LRRC4C: variants seen among roughly 807,000 people sequenced by gnomAD.
The protein encoded by LRRC4C is leucine-rich repeat-containing protein 4C.
In LRRC4C, 5 loss-of-function variants were observed where a neutral mutation model predicts 33.6. That is an observed-to-expected ratio of 0.15 (90% CI 0.08 to 0.31). The LOEUF is 0.31. LRRC4C is among the 10% of genes least tolerant of loss of function. The pLI is 1.00. For synonymous variants in LRRC4C, 329 were observed against 302.0 expected (o/e 1.09, Z -0.93); for missense variants, 560 against 796.7 (o/e 0.70, Z 3.58).
intron 3 of LRRC4C, among the ~76,000 whole-genome samples, chr11:40,515,252 A>C (rs1955516252): frequency 6.6e-6 from 1 of 152,076 alleles, no homozygotes; most frequent in Non-Finnish European, 1.5e-5. Flanking sequence ...GAAACTTAGC[A>C]ATACTAAGCA....
At chr11:41,396,011 C>T (rs1254241766) in intron 1 of LRRC4C, among the ~76,000 whole-genome samples, 1 of 152,038 alleles carries the variant, frequency 6.6e-6, no homozygotes, top group African/African-American at 2.4e-5. Context: ...AACACAAGGT[C>T]ATAAACATTC....
intron 2 of LRRC4C, among the ~76,000 whole-genome samples, chr11:40,708,663 G>A (rs576097913): frequency 1.3e-5 from 2 of 152,204 alleles, no homozygotes; most frequent in East Asian, 3.8e-4. Flanking sequence ...CAAGTGCAAT[G>A]TGGTGCTGAG....
chr11:40,262,296 C>T (rs887291604), intron 4 of LRRC4C, among the ~76,000 whole-genome samples: 3 of 152,148 alleles, frequency 2.0e-5, no homozygotes, highest in Non-Finnish European at 2.9e-5. Flanking sequence ...CCACCTCACA[C>T]CAGTCAGAAT....
Position 40,585,891 on chromosome 11 carries a change from G to T in LRRC4C, c.-270+62251C>A. On this transcript the variant is annotated intron_variant, in intron 3 of 6. Transcript: ENST00000528697. Reference sequence around the variant, plus strand: ...CTATCATTGTTGGACATTTGGGTTGGTTCCAAGTCTTTGCTATTGTGAATA... The same window carrying T: ...CTATCATTGTTGGACATTTGGGTTGTTTCCAAGTCTTTGCTATTGTGAATA... 1.5e-5 allele frequency among the ~76,000 whole-genome samples: 2 copies of T among 136,150 alleles called. 1 individual carries two copies. Among genetic ancestry groups the T allele is most frequent in the Non-Finnish European group, 3.2e-5 (2 of 61,682 alleles). The allele number at this position is 136,150 out of a possible 152,430, so 89.3% of individuals were successfully genotyped here. A position where few individuals can be genotyped will look rare whatever the true frequency, so the allele number is the denominator to read the frequency against.
chr11:40,157,091 A>G (rs1229575341), intron 5 of LRRC4C, among the ~76,000 whole-genome samples: 1 of 152,140 alleles, frequency 6.6e-6, no homozygotes, highest in Non-Finnish European at 1.5e-5. Flanking sequence ...AGCAGAATAG[A>G]GAACCCAGAA....
chr11:40,400,078 G>A (rs973335717), intron 3 of LRRC4C, among the ~76,000 whole-genome samples: 2 of 152,076 alleles, frequency 1.3e-5, no homozygotes, highest in Admixed American at 6.6e-5. Flanking sequence ...TCTTCACAGA[G>A]AATAGAACAA....
chr11:40,711,817 T>G (rs1297543490), intron 2 of LRRC4C, among the ~76,000 whole-genome samples: 2 of 152,192 alleles, frequency 1.3e-5, no homozygotes. Flanking sequence ...TTAATGCTTT[T>G]TAATTTATAA....
At chr11:40,982,669 C>A (rs1258401564) in intron 1 of LRRC4C, among the ~76,000 whole-genome samples, 1 of 151,536 alleles carries the variant, frequency 6.6e-6, no homozygotes, top group East Asian at 1.9e-4. Flanking sequence ...TTTTTTTAAA[C>A]CTTCATTATA....
intron 1 of LRRC4C, among the ~76,000 whole-genome samples, chr11:41,326,222 C>T (rs1215249247): frequency 5.9e-5 from 9 of 152,096 alleles, no homozygotes; most frequent in Admixed American, 5.9e-4. Context: ...AGTCATCCTT[C>T]TCCATTGCTG....
chr11:41,211,454 T>C (rs534617138), intron 1 of LRRC4C, among the ~76,000 whole-genome samples: 1 of 152,198 alleles, frequency 6.6e-6, no homozygotes. Flanking sequence ...ACATTAGGTA[T>C]GTCTCCTAAT....
intron 3 of LRRC4C, among the ~76,000 whole-genome samples, chr11:40,527,214 A>G (rs1956088089): frequency 6.6e-6 from 1 of 152,176 alleles, no homozygotes; most frequent in Middle Eastern, 3.2e-3. Flanking sequence ...AGAGTATACT[A>G]ACTTCATAAA....
intron 2 of LRRC4C, among the ~76,000 whole-genome samples, chr11:40,862,657 A>C (rs1954159821): frequency 6.6e-6 from 1 of 152,202 alleles, no homozygotes; most frequent in Non-Finnish European, 1.5e-5. Flanking sequence ...ATAGTTCTCT[A>C]TATTACAAAT....
intron 1 of LRRC4C, among the ~76,000 whole-genome samples, chr11:41,304,073 C>T (rs1364493843): frequency 1.0e-4 from 7 of 66,820 alleles, no homozygotes; most frequent in East Asian, 8.4e-4. Context: ...CCCAGCCAGC[C>T]ACCCCGTCCG....
chr11:40,597,323 C>T (rs1049042700), intron 3 of LRRC4C, among the ~76,000 whole-genome samples: 45 of 152,164 alleles, frequency 3.0e-4, no homozygotes, highest in African/African-American at 9.6e-4. Flanking sequence ...TCTCATGGTT[C>T]AGTGGTTGGC....
intron 2 of LRRC4C, among the ~76,000 whole-genome samples, chr11:40,860,882 A>C (rs1954062051): frequency 7.0e-6 from 1 of 143,168 alleles, no homozygotes; most frequent in Non-Finnish European, 1.5e-5. Context: ...TTTTATTTTG[A>C]TATGATGAAA....
At chr11:41,412,922 CCT>C (rs1390755490) in intron 1 of LRRC4C, among the ~76,000 whole-genome samples, 4 of 152,114 alleles carry the variant, frequency 2.6e-5, no homozygotes, top group South Asian at 4.2e-4. Flanking sequence ...CATTCCAGCC[CCT>C]CTCTCATTTG....
chr11:41,261,501 ATCT>A (rs1466311416), intron 1 of LRRC4C, among the ~76,000 whole-genome samples: 2 of 152,132 alleles, frequency 1.3e-5, no homozygotes, highest in African/African-American at 2.4e-5. Flanking sequence ...AAATTCCTCA[ATCT>A]TCTTCCCCCA....
chr11:40,462,090 T>C (rs1450690653), intron 3 of LRRC4C, among the ~76,000 whole-genome samples: 1 of 152,070 alleles, frequency 6.6e-6, no homozygotes, highest in Non-Finnish European at 1.5e-5. Context: ...ATTTTCAGTA[T>C]AGTGTTTGTA....
At chr11:40,488,066 C>A (rs941138708) in intron 3 of LRRC4C, among the ~76,000 whole-genome samples, 3 of 152,058 alleles carry the variant, frequency 2.0e-5, no homozygotes, top group African/African-American at 7.2e-5. Flanking sequence ...AGCCCTTCAA[C>A]TGAGATCTTT....
Sources: allele counts gnomAD v4.1 joint callset (sites outside exome capture counted in the v4.1 genomes callset), GRCh38; gene constraint gnomAD v4.1.1; transcripts MANE v1.5; gene names NCBI Gene and HGNC (gene_info 2026-07-23, HGNC 2026-07-21).